COBLL1: variants seen among roughly 807,000 people sequenced by gnomAD.
The protein encoded by COBLL1 is cordon-bleu WH2 repeat protein like 1.
In COBLL1, 50 loss-of-function variants were observed where a neutral mutation model predicts 94.8. The ratio of observed to expected loss-of-function variants is 0.53; its 90% CI spans 0.42 to 0.67. The LOEUF is 0.67. Among genes scored for constraint, COBLL1 ranks in the 30% least tolerant of loss-of-function variants. COBLL1 has a pLI of 0.00. For synonymous variants in COBLL1, 448 were observed against 473.8 expected (o/e 0.95, Z 0.71); for missense variants, 1,362 against 1,348.7 (o/e 1.01, Z -0.15).
Position 164,841,502 on chromosome 2 carries a change from A to T in COBLL1, c.-51+208T>A. On this transcript the variant is annotated intron_variant, in intron 1 of 13. Coordinates refer to ENST00000652658, the MANE Select transcript of COBLL1 (RefSeq NM_001365672.2). The surrounding 1 kb of genome is among the most constrained non-coding windows in gnomAD (Gnocchi z 5.5). ...CCCCGCCCCGTGGGGTTTACTGGGT[A>T]GCCATTTGGCGCCTCTCGGAGGGAG... 2 of 1,098,204 alleles carry T rather than the reference A, an allele frequency of 1.8e-6. No homozygotes were observed. The highest frequency in any genetic ancestry group is 2.2e-6 in the Non-Finnish European group (2 of 896,244). 68.0% of individuals were successfully genotyped at this position (1,098,204 alleles called of 1,614,324 possible). A position where few individuals can be genotyped will look rare whatever the true frequency, so the allele number is the denominator to read the frequency against.
In COBLL1 at chr2:164,694,323, C is replaced by G; in HGVS notation, c.3069G>C (p.Lys1023Asn). 6.2e-7 allele frequency: 1 copy of G among 1,613,928 alleles called. No individual in the cohort carries two copies. The highest frequency in any genetic ancestry group is 8.5e-7 in the Non-Finnish European group (1 of 1,179,878). ...CCACAAATTTATTTACAGAATGAGT[C>G]TTCCCTTCCTCTGTGTTGGCTGGAG... ...VQPPANTEEG[K>N]THSVNKFVDI... Residue 1023 changes from lysine (K) to asparagine (N), a missense_variant, in exon 12 of 14, where the codon AAG becomes AAC. Physicochemically the swap from Lys to Asn is moderately conservative, Grantham distance 94. Coordinates refer to ENST00000652658, the MANE Select transcript of COBLL1 (RefSeq NM_001365672.2).
intron 7 of COBLL1, among the ~76,000 whole-genome samples, chr2:164,713,402 C>T (rs1337484917): frequency 1.3e-5 from 2 of 152,066 alleles, no homozygotes; most frequent in African/African-American, 4.8e-5. Flanking sequence ...ACTATGTGGA[C>T]AATTTTAATG....
intron 9 of COBLL1, among the ~76,000 whole-genome samples, chr2:164,703,918 T>C (rs1684449159): frequency 6.6e-6 from 1 of 152,218 alleles, no homozygotes; most frequent in African/African-American, 2.4e-5. Context: ...CTATAAATTA[T>C]GTAACTTGTA....
chr2:164,830,512 T>C (rs1258581134), intron 2 of COBLL1, among the ~76,000 whole-genome samples: 1 of 152,200 alleles, frequency 6.6e-6, no homozygotes, highest in Admixed American at 6.5e-5. Flanking sequence ...TATACGAATC[T>C]TGAATTTGAT....
chr2:164,750,064 C>G (rs1687053045), intron 2 of COBLL1, among the ~76,000 whole-genome samples: 1 of 152,224 alleles, frequency 6.6e-6, no homozygotes, highest in African/African-American at 2.4e-5. Flanking sequence ...TCTCTTCTTT[C>G]TACAACCTCC....
At chr2:164,661,163 G>A (rs1293255329) in intron 2 of COBLL1, among the ~76,000 whole-genome samples, 3 of 151,892 alleles carry the variant, frequency 2.0e-5, no homozygotes, top group African/African-American at 7.3e-5. Flanking sequence ...TATTATTGGG[G>A]GAAAGAGTGT....
chr2:164,826,977 G>A (rs958229014), intron 2 of COBLL1, among the ~76,000 whole-genome samples: 1 of 151,544 alleles, frequency 6.6e-6, no homozygotes, highest in African/African-American at 2.4e-5. Flanking sequence ...TTGAGACAGG[G>A]TCTCGCTCTA....
At chr2:164,679,606 T>C (rs985830862), downstream of COBLL1, among the ~76,000 whole-genome samples, 8 of 152,118 alleles carry the variant, frequency 5.3e-5, no homozygotes, top group African/African-American at 1.9e-4. Flanking sequence ...AAGGGACATG[T>C]AGCAGAGTAA....
intron 13 of COBLL1, 60 bp downstream of exon 13, chr2:164,692,161 T>C: frequency 1.4e-6 from 2 of 1,457,344 alleles, no homozygotes; most frequent in Non-Finnish European, 1.8e-6. Context: ...TTTCCCTAAG[T>C]ATTAGTTTGA....
At position 164,695,438 on chromosome 2, in the gene COBLL1, T is replaced by G; in HGVS notation, c.1954A>C (p.Asn652His). The change falls in exon 12 of 14, where the codon AAT (asparagine) becomes CAT (histidine). Residue 652 changes from asparagine to histidine, a missense_variant. Asn to His is a moderately conservative substitution (Grantham distance 68, BLOSUM62 1). Coordinates refer to ENST00000652658, the MANE Select transcript of COBLL1 (RefSeq NM_001365672.2). The part of the protein sequence containing the change: ...HSCLSSQDSV[N>H]TSREFRSQGT... The stretch of plus-strand genomic sequence containing the variant: ...TGACTCCTGAATTCCCTTGAGGTAT[T>G]TACAGAATCTTGTGAACTTAAGCAT... 3 of 1,613,952 alleles carry G rather than the reference T, an allele frequency of 1.9e-6. No homozygotes were observed. The highest frequency in any genetic ancestry group is 3.3e-4 in the Middle Eastern group (2 of 6,056).
At chr2:164,743,616 C>A in intron 3 of COBLL1, 71 bp downstream of exon 3, 2 of 1,180,676 alleles carry the variant, frequency 1.7e-6, no homozygotes, top group East Asian at 2.4e-5. Flanking sequence ...AACATCAAGA[C>A]GTATATCACA....
intron 9 of COBLL1, chr2:164,703,111 T>C (rs372449983): frequency 1.3e-4 from 213 of 1,608,232 alleles, no homozygotes; most frequent in Non-Finnish European, 1.8e-4. Flanking sequence ...TACATGTCAA[T>C]GATGTTATGG....
At chr2:164,805,363 AAAACTAAAG>A (rs1684092632) in intron 2 of COBLL1, among the ~76,000 whole-genome samples, 3 of 115,846 alleles carry the variant, frequency 2.6e-5, no homozygotes, top group Non-Finnish European at 5.3e-5. Flanking sequence ...ATATATATAT[AAAACTAAAG>A]TTCATAGTTT....
chr2:164,828,771 A>G (rs900970123), intron 2 of COBLL1, among the ~76,000 whole-genome samples: 1 of 152,212 alleles, frequency 6.6e-6, no homozygotes, highest in Non-Finnish European at 1.5e-5. Context: ...TTTTTTTGTT[A>G]AAGACAACTT....
At chr2:164,659,189 A>G (rs566999974) in intron 2 of COBLL1, among the ~76,000 whole-genome samples, 138 of 152,242 alleles carry the variant, frequency 9.1e-4, no homozygotes, top group African/African-American at 3.1e-3. Context: ...AGTGAGGGCT[A>G]TTAGTTTTGC....
rs547317465 is a variant in COBLL1, at chr2:164,685,119, A to C, written c.*827T>G. ...CTTTAAAGTTTTTCAATATAAACAT[A>C]AACTAACCCCTATTCCTCTCTACAT... On this transcript the variant is annotated 3_prime_UTR_variant, in exon 14 of 14. Transcript: ENST00000652658. The C allele has an allele frequency of 6.6e-6, 1 of 152,302 alleles. No individual in the cohort carries two copies. Among genetic ancestry groups the C allele is most frequent in the Non-Finnish European group, 1.5e-5 (1 of 68,002 alleles). 9.4% of individuals were successfully genotyped at this position (152,302 alleles called of 1,614,324 possible).
Position 164,841,517 on chromosome 2 carries a change from C to A in COBLL1, c.-51+193G>T. The A allele has an allele frequency of 9.5e-7, 1 of 1,047,408 alleles. No homozygotes were observed. Among genetic ancestry groups the A allele is most frequent in the Non-Finnish European group, 1.2e-6 (1 of 850,600 alleles). 64.9% of individuals were successfully genotyped at this position (1,047,408 alleles called of 1,614,324 possible). On this transcript the variant is annotated intron_variant, in intron 1 of 13. Transcript: ENST00000652658. The surrounding 1 kb of genome is among the most constrained non-coding windows in gnomAD (Gnocchi z 5.5). ...TTTACTGGGTAGCCATTTGGCGCCTCTCGGAGGGAGAGGAGCCGCCGGGGC... is the reference window on the plus strand; with the variant it reads ...TTTACTGGGTAGCCATTTGGCGCCTATCGGAGGGAGAGGAGCCGCCGGGGC...
intron 2 of COBLL1, among the ~76,000 whole-genome samples, chr2:164,829,227 T>C (rs1392669189): frequency 6.6e-6 from 1 of 152,106 alleles, no homozygotes; most frequent in Admixed American, 6.6e-5. Flanking sequence ...CACTTCATAA[T>C]AACCTAAGAT....
rs1040440302 is a variant in COBLL1 at position 164,731,665 on chromosome 2, C to T, written c.231-1550G>A. Among the ~76,000 whole-genome samples the T allele has an allele frequency of 7.2e-5, 11 of 152,236 alleles. 1 individual carries two copies. In the South Asian group the frequency reaches 1.5e-3, roughly 20 times the overall value. ...TTCATGGGATTCACTTTAGGGTAAT[C>T]GGGTAGCCAGCCATCTGCATCCCAC... On this transcript the variant is annotated intron_variant, in intron 3 of 13. Transcript: ENST00000652658.
Sources: allele counts gnomAD v4.1 joint callset (sites outside exome capture counted in the v4.1 genomes callset), GRCh38; gene constraint gnomAD v4.1.1; non-coding constraint Gnocchi (gnomAD v3.1); transcripts MANE v1.5; gene names NCBI Gene and HGNC (gene_info 2026-07-23, HGNC 2026-07-21).